ARPC2: variants seen among roughly 807,000 people sequenced by gnomAD.
ARPC2 encodes the protein actin related protein 2/3 complex subunit 2, also known as actin-related protein 2/3 complex subunit 2.
ARPC2 carries 4 observed loss-of-function variants against 38.6 expected under a neutral mutation model. The ratio of observed to expected loss-of-function variants is 0.10; its 90% CI spans 0.05 to 0.24. The LOEUF (loss-of-function observed/expected upper bound fraction) is 0.24. Among genes scored for constraint, ARPC2 ranks in the 10% least tolerant of loss-of-function variants. ARPC2 has a pLI of 1.00. For synonymous variants in ARPC2, 125 were observed against 140.8 expected (o/e 0.89, Z 0.79); for missense variants, 229 against 387.3 (o/e 0.59, Z 3.43).
chr2:218,220,983 CATTGCCTTTTCATTTGGAA>C (rs1368315659), intron 2 of ARPC2, among the ~76,000 whole-genome samples: 4 of 152,216 alleles, frequency 2.6e-5, no homozygotes, highest in Non-Finnish European at 4.4e-5. Flanking sequence ...TGATCAACAG[CATTGCCTTTTCATTTGGAA>C]ATTCTTACCC....
chr2:218,244,062 AAAT>A (rs375820883), intron 7 of ARPC2, among the ~76,000 whole-genome samples: 133 of 152,326 alleles, frequency 8.7e-4, no homozygotes, highest in Middle Eastern at 6.8e-3. Flanking sequence ...GTAGAATAAA[AAAT>A]GTTTTCTAGA....
chr2:218,234,254 C>T (rs1689714881), intron 4 of ARPC2, 98 bp from the exon 5 acceptor site: 2 of 925,160 alleles, frequency 2.2e-6, no homozygotes, highest in Non-Finnish European at 1.6e-6. Context: ...AGAATGCCAA[C>T]TTAGGAAGAG....
chr2:218,221,392 G>T (rs1689381683), intron 2 of ARPC2, among the ~76,000 whole-genome samples: 1 of 152,246 alleles, frequency 6.6e-6, no homozygotes, highest in Non-Finnish European at 1.5e-5. Context: ...TGTTTGGAGT[G>T]ATTTGGAATT....
At chr2:218,244,415 A>G (rs1391000178) in intron 7 of ARPC2, among the ~76,000 whole-genome samples, 3 of 152,240 alleles carry the variant, frequency 2.0e-5, no homozygotes, top group African/African-American at 4.8e-5. Context: ...GTGTGATGAT[A>G]CTAAACCAGC....
chr2:218,253,906 A>G lies in ARPC2; in HGVS notation c.894A>G (p.Ser298=), dbSNP rs1412805681. ...EMKTITGKTF[S]SR is the part of the protein sequence containing the mutation. The stretch of plus-strand genomic sequence containing the variant: ...CCTTTTGAAGGGGGAAGACGTTTTC[A>G]TCCCGCTAATCTTGGGAATAAGAGG... Residue 298 remains serine, a synonymous_variant, in exon 11 of 11, where the codon TCA becomes TCG. Coordinates refer to ENST00000315717, the MANE Select transcript of ARPC2 (RefSeq NM_152862.3). 6.2e-7 allele frequency: 1 copy of G among 1,613,928 alleles called. No homozygotes were observed. Among genetic ancestry groups the G allele is most frequent in the African/African-American group, 1.3e-5 (1 of 74,906 alleles).
Position 218,249,843 on chromosome 2 carries a change from G to A in ARPC2, c.800G>A (p.Arg267Gln), listed in dbSNP as rs771259247. ...CAGGCCTATATTCACACACGTATGC[G>A]GGCGAAAACGTCTGACTTCCTCAAG... Reference protein sequence around the residue: ...CSKAYIHTRMRAKTSDFLKVL... With the variant: ...CSKAYIHTRMQAKTSDFLKVL... Residue 267 changes from arginine (R) to glutamine (Q), a missense_variant, in exon 10 of 11, where the codon CGG (arginine) becomes CAG (glutamine). Around this residue, in one of 3 missense-constraint regions of ARPC2, gnomAD observed 92 missense variants for 152.3 expected, o/e 0.60. Coordinates refer to ENST00000315717, the MANE Select transcript of ARPC2 (RefSeq NM_152862.3). 6 of 1,613,592 alleles carry A rather than the reference G, an allele frequency of 3.7e-6. No individual in the cohort carries two copies. Among genetic ancestry groups the A allele is most frequent in the Non-Finnish European group, 5.1e-6 (6 of 1,179,892 alleles).
At chr2:218,246,730 A>T (rs983711875) in intron 8 of ARPC2, among the ~76,000 whole-genome samples, 5 of 152,134 alleles carry the variant, frequency 3.3e-5, no homozygotes, top group African/African-American at 9.6e-5. Flanking sequence ...CAGCACTTTA[A>T]GAGGCCAAGG....
At chr2:218,249,675 G>A in intron 9 of ARPC2, 146 bp from the exon 10 acceptor site, 1 of 825,344 alleles carries the variant, frequency 1.2e-6, no homozygotes, top group Admixed American at 2.9e-5. Context: ...TTCCAGAATT[G>A]CTCACCTTCC....
At chr2:218,247,759 C>T (rs1383588610) in intron 8 of ARPC2, among the ~76,000 whole-genome samples, 1 of 152,058 alleles carries the variant, frequency 6.6e-6, no homozygotes, top group Non-Finnish European at 1.5e-5. Flanking sequence ...CTGGCTAACA[C>T]AGTGAAACCC....
chr2:218,230,287 C>CTTTTTTTTTTTTTTT lies in ARPC2; in HGVS notation c.222+1447_222+1461dup, dbSNP rs768585570. Among the ~76,000 whole-genome samples the CTTTTTTTTTTTTTTT allele has an allele frequency of 5.6e-3, 408 of 72,984 alleles. 2 individuals are homozygous for CTTTTTTTTTTTTTTT. The highest frequency in any genetic ancestry group is 6.6e-3 in the Non-Finnish European group (273 of 41,334). The allele number at this position is 72,984 out of a possible 152,430, so 47.9% of individuals were successfully genotyped here. On this transcript the variant is annotated intron_variant, in intron 4 of 10. Transcript: ENST00000315717. Reference sequence around the variant, plus strand: ...GTGCCCAGCCTTTTCTTTTTTTTTTCTTTTTTTTTTTTTTTTTTTTTTTTG... The same window carrying CTTTTTTTTTTTTTTT: ...GTGCCCAGCCTTTTCTTTTTTTTTTCTTTTTTTTTTTTTTTTTTTTTTTTTTTTTTTTTTTTTTTG...
In ARPC2 at chr2:218,254,248, A is replaced by G; in HGVS notation, c.*333A>G. 3.9e-6 allele frequency: 1 copy of G among 255,142 alleles called. No individual in the cohort carries two copies. The highest frequency in any genetic ancestry group is 7.6e-6 in the Non-Finnish European group (1 of 132,078). The allele number at this position is 255,142 out of a possible 1,614,324, so 15.8% of individuals were successfully genotyped here. On this transcript the variant is annotated 3_prime_UTR_variant, in exon 11 of 11. Coordinates refer to ENST00000315717, the MANE Select transcript of ARPC2 (RefSeq NM_152862.3). The stretch of plus-strand genomic sequence containing the variant: ...ATTACTGGTAATGAGTTGCAGGATA[A>G]TGCAGTCATAACTTGTTTTCTCCTA...
Position 218,217,248 on chromosome 2 carries a change from G to A in ARPC2, c.-15G>A, listed in dbSNP as rs1238403688. On this transcript the variant is annotated 5_prime_UTR_variant, in exon 1 of 11. Transcript: ENST00000315717. ...CTCGGCAGGCGGGTTCAGGCTTCGG[G>A]GGCCAGGTCGGTTGGGTGGGTGGGT... The A allele has an allele frequency of 5.2e-5, 26 of 504,184 alleles. No individual in the cohort carries two copies. The highest frequency in any genetic ancestry group is 8.1e-5 in the Non-Finnish European group (23 of 284,954). 31.2% of individuals were successfully genotyped at this position (504,184 alleles called of 1,614,324 possible). A position where few individuals can be genotyped will look rare whatever the true frequency, so the allele number is the denominator to read the frequency against.
In ARPC2 at chr2:218,247,921, C is replaced by T. The variant is rs1409615178; in HGVS notation, c.677-1443C>T. On this transcript the variant is annotated intron_variant, in intron 8 of 10. Coordinates refer to ENST00000315717, the MANE Select transcript of ARPC2 (RefSeq NM_152862.3). ...TCACGCGACTGCACTCCAGCCTGGG[C>T]GACAGAACAAGACTCCGTCTCAAAA... 1.5e-4 allele frequency among the ~76,000 whole-genome samples: 23 copies of T among 149,240 alleles called. No homozygotes were observed. The Admixed American group carries it at 1.6e-3, about 10-fold the overall frequency.
chr2:218,253,792 C>G (rs1574599310), intron 10 of ARPC2, 99 bp from the exon 11 acceptor site: 2 of 1,422,316 alleles, frequency 1.4e-6, no homozygotes, highest in East Asian at 4.8e-5. Context: ...TTCCACCTCT[C>G]ATTTGGTGTT....
intron 3 of ARPC2, 121 bp from the exon 4 acceptor site, chr2:218,228,617 C>G: frequency 1.9e-6 from 1 of 531,360 alleles, no homozygotes; most frequent in Admixed American, 3.4e-5. Context: ...AAAATAAGTT[C>G]CATTTTACTT....
chr2:218,246,382 T>A (rs115169599), intron 8 of ARPC2, among the ~76,000 whole-genome samples: 2,371 of 151,138 alleles, frequency 0.016, 30 homozygotes, highest in Non-Finnish European at 0.023. Context: ...ACAAAGAAAT[T>A]AGCTGGGCGT....
chr2:218,237,941 A>G (rs116213793), intron 5 of ARPC2, among the ~76,000 whole-genome samples: 193 of 152,266 alleles, frequency 1.3e-3, no homozygotes, highest in African/African-American at 4.6e-3. Flanking sequence ...AGAGTGCCCT[A>G]CACTTATGTG....
chr2:218,229,975 C>CTT (rs531013535), intron 4 of ARPC2, among the ~76,000 whole-genome samples: 3 of 145,840 alleles, frequency 2.1e-5, no homozygotes, highest in Non-Finnish European at 4.5e-5. Flanking sequence ...AGCCCTGCCT[C>CTT]TTTTTTTTTT....
At chr2:218,232,819 C>A (rs1360153189) in intron 4 of ARPC2, among the ~76,000 whole-genome samples, 2 of 151,926 alleles carry the variant, frequency 1.3e-5, no homozygotes, top group Non-Finnish European at 2.9e-5. Flanking sequence ...CTCGTGATCA[C>A]CCCGCCTCGG....
Sources: allele counts gnomAD v4.1 joint callset (sites outside exome capture counted in the v4.1 genomes callset), GRCh38; gene constraint gnomAD v4.1.1; regional missense constraint gnomAD v4.1.1; transcripts MANE v1.5; gene names NCBI Gene and HGNC (gene_info 2026-07-23, HGNC 2026-07-21).